Variants in PARD3B observed in about 807,000 individuals in gnomAD.
PARD3B encodes par-3 family cell polarity regulator beta, also known as partitioning defective 3 homolog B.
A neutral mutation model predicts 130.2 loss-of-function variants in PARD3B; 103 were observed. The ratio of observed to expected loss-of-function variants is 0.79; its 90% CI spans 0.67 to 0.93. PARD3B has a LOEUF of 0.93. Ranked by LOEUF, PARD3B falls within the 40% of genes least tolerant of loss-of-function variation. PARD3B has a pLI of 0.00. For missense variants in PARD3B, 1,609 were observed against 1,499.2 expected (o/e 1.07, Z -1.21); for synonymous variants, 583 against 553.2 (o/e 1.05, Z -0.76).
At chr2:205,521,543 G>T (rs1488391675) in intron 21 of PARD3B, among the ~76,000 whole-genome samples, 1 of 129,572 alleles carries the variant, frequency 7.7e-6, no homozygotes. Flanking sequence ...CTATCAAGAT[G>T]ATTATATGAT....
chr2:204,941,442 C>G (rs909579506), intron 2 of PARD3B, among the ~76,000 whole-genome samples: 1 of 152,210 alleles, frequency 6.6e-6, no homozygotes, highest in Non-Finnish European at 1.5e-5. Context: ...AATTAACAAC[C>G]TGGCTATGAG....
chr2:204,779,657 A>G (rs2041769415), intron 2 of PARD3B, among the ~76,000 whole-genome samples: 1 of 152,114 alleles, frequency 6.6e-6, no homozygotes, highest in Non-Finnish European at 1.5e-5. Flanking sequence ...GTATTAAATA[A>G]CCAGGGCTTC....
intron 18 of PARD3B, among the ~76,000 whole-genome samples, chr2:205,358,878 C>G (rs1468799763): frequency 6.6e-6 from 1 of 152,150 alleles, no homozygotes; most frequent in African/African-American, 2.4e-5. Context: ...CTTAAGACAT[C>G]TTTCTTGTCT....
At chr2:205,468,183 A>G in intron 20 of PARD3B, among the ~76,000 whole-genome samples, 1 of 152,234 alleles carries the variant, frequency 6.6e-6, no homozygotes. Flanking sequence ...TCAGATATGG[A>G]ATATGTGTAA....
chr2:204,730,732 G>C (rs1355030989), intron 2 of PARD3B, among the ~76,000 whole-genome samples: 4 of 152,152 alleles, frequency 2.6e-5, no homozygotes, highest in Non-Finnish European at 5.9e-5. Context: ...TGTCATTGAA[G>C]AATCTCCACA....
In PARD3B at chr2:204,545,782, A is replaced by T; in HGVS notation, c.-218A>T. 2.2e-6 allele frequency: 1 copy of T among 457,522 alleles called. No homozygotes were observed. The highest frequency in any genetic ancestry group is 3.8e-6 in the Non-Finnish European group (1 of 265,978). The allele number at this position is 457,522 out of a possible 1,614,324, so 28.3% of individuals were successfully genotyped here. On this transcript the variant is annotated 5_prime_UTR_variant, in exon 1 of 23. Coordinates refer to ENST00000406610, the MANE Select transcript of PARD3B (RefSeq NM_001302769.2). ...CCGGGCCGCCGGGCACCTGGGAGGT[A>T]ACCCCTTTCCGCGGCCGCCCCTCCC...
intron 2 of PARD3B, among the ~76,000 whole-genome samples, chr2:204,933,246 A>G (rs188484746): frequency 1.8e-3 from 279 of 152,316 alleles, no homozygotes; most frequent in African/African-American, 6.4e-3. Flanking sequence ...GCTACCCAGA[A>G]ACTCTCAAGG....
At chr2:204,716,051 A>G (rs920984453) in intron 2 of PARD3B, among the ~76,000 whole-genome samples, 11 of 152,232 alleles carry the variant, frequency 7.2e-5, no homozygotes, top group African/African-American at 2.2e-4. Context: ...AACAGTACTC[A>G]GCCAATGAGT....
intron 10 of PARD3B, among the ~76,000 whole-genome samples, chr2:205,157,597 T>G (rs1387106073): frequency 6.6e-6 from 1 of 152,236 alleles, no homozygotes; most frequent in Admixed American, 6.5e-5. Context: ...TTTATAGTTA[T>G]ATGTGACTGA....
intron 20 of PARD3B, among the ~76,000 whole-genome samples, chr2:205,447,362 G>C (rs2047941337): frequency 6.6e-6 from 1 of 152,120 alleles, no homozygotes; most frequent in Admixed American, 6.6e-5. Context: ...AATAATGAAT[G>C]AATGGTTTAA....
At chr2:205,156,362 T>A (rs922616496) in intron 10 of PARD3B, among the ~76,000 whole-genome samples, 1 of 151,594 alleles carries the variant, frequency 6.6e-6, no homozygotes, top group African/African-American at 2.4e-5. Context: ...TGTATACATA[T>A]GTAACTAACC....
At position 204,570,336 on chromosome 2, in the gene PARD3B, G is replaced by A. The variant is rs1023878381; in HGVS notation, c.120+24217G>A. On this transcript the variant is annotated intron_variant, in intron 1 of 22. Transcript: ENST00000406610. ...AGAGACAGCTTTAACTTCTCAGTGG[G>A]GCTGGACTGTAGCTCACCTTTAGGG... is the stretch of plus-strand genomic sequence containing the variant. Among the ~76,000 whole-genome samples, 8 of 152,274 alleles carry A rather than the reference G, an allele frequency of 5.3e-5. No individual in the cohort carries two copies. The South Asian group carries it at 6.2e-4, about 12-fold the overall frequency.
chr2:204,813,459 C>G (rs182009847), intron 2 of PARD3B, among the ~76,000 whole-genome samples: 1 of 152,078 alleles, frequency 6.6e-6, no homozygotes, highest in Non-Finnish European at 1.5e-5. Context: ...ATAGTACTTT[C>G]TTCAGGCTGT....
intron 2 of PARD3B, among the ~76,000 whole-genome samples, chr2:204,954,184 G>A (rs1349650892): frequency 6.6e-6 from 1 of 152,296 alleles, no homozygotes; most frequent in South Asian, 2.1e-4. Flanking sequence ...GAAGCTAAAG[G>A]AAAAGGTTAG....
chr2:205,044,650 G>A (rs1284671499), intron 3 of PARD3B, among the ~76,000 whole-genome samples: 1 of 152,060 alleles, frequency 6.6e-6, no homozygotes, highest in Non-Finnish European at 1.5e-5. Context: ...TTTTGATGGG[G>A]TTGTTTTTTT....
chr2:204,617,858 GT>G (rs1445724463), intron 1 of PARD3B, among the ~76,000 whole-genome samples: 1 of 152,160 alleles, frequency 6.6e-6, no homozygotes, highest in Non-Finnish European at 1.5e-5. Flanking sequence ...CATTCACGTT[GT>G]TGCAAAGGAC....
intron 15 of PARD3B, among the ~76,000 whole-genome samples, chr2:205,234,067 C>T (rs368719267): frequency 4.6e-5 from 7 of 152,262 alleles, no homozygotes; most frequent in African/African-American, 1.4e-4. Flanking sequence ...GATAGGACAA[C>T]AGCAAGATGG....
At chr2:204,717,367 T>C (rs185830379) in intron 2 of PARD3B, among the ~76,000 whole-genome samples, 1 of 152,220 alleles carries the variant, frequency 6.6e-6, no homozygotes, top group South Asian at 2.1e-4. Flanking sequence ...TTTCTCCTAA[T>C]TGAATCCACT....
chr2:205,361,411 C>G (rs1398053), intron 18 of PARD3B, among the ~76,000 whole-genome samples: 89,997 of 151,554 alleles, frequency 0.59, 30,195 homozygotes, highest in South Asian at 0.77. Flanking sequence ...TCTCCCTACT[C>G]TTCTGGACAG....
Sources: gnomAD v4.1 joint callset for allele counts (sites outside exome capture counted in the v4.1 genomes callset) on GRCh38, gnomAD v4.1.1 for gene constraint, MANE v1.5 for transcripts, NCBI Gene and HGNC (gene_info 2026-07-23, HGNC 2026-07-21) for gene names.